Variants in PAX3 observed in about 807,000 individuals in gnomAD.
PAX3 encodes paired box protein Pax-3.
PAX3 carries 14 observed loss-of-function variants against 51.6 expected under a neutral mutation model. That is an observed-to-expected ratio of 0.27 (90% confidence interval 0.18 to 0.42). The LOEUF is 0.42. Ranked by LOEUF, PAX3 falls within the 10% of genes least tolerant of loss-of-function variation. The pLI, the probability that PAX3 is intolerant of heterozygous loss-of-function variation, is 1.00. For missense variants in PAX3, 540 were observed against 642.8 expected (o/e 0.84, Z 1.73); for synonymous variants, 280 against 253.4 (o/e 1.11, Z -1.00).
intron 4 of PAX3, among the ~76,000 whole-genome samples, chr2:222,249,881 C>A (rs1050894635): frequency 6.6e-6 from 1 of 152,076 alleles, no homozygotes; most frequent in African/African-American, 2.4e-5. Flanking sequence ...ATAGCAGGAA[C>A]AATCAAGTCA....
At chr2:222,251,646 A>C (rs1308544091) in intron 4 of PAX3, among the ~76,000 whole-genome samples, 7 of 152,146 alleles carry the variant, frequency 4.6e-5, no homozygotes, top group African/African-American at 1.4e-4. Context: ...GGCTGGGTCA[A>C]ATGGTATTTC....
chr2:222,227,848 A>G (rs749737378), intron 5 of PAX3, among the ~76,000 whole-genome samples: 36 of 152,186 alleles, frequency 2.4e-4, no homozygotes, highest in Admixed American at 2.6e-4. Context: ...CTACAGCCTA[A>G]ATGAATTTAT....
At chr2:222,273,863 T>C (rs1321352149) in intron 4 of PAX3, among the ~76,000 whole-genome samples, 1 of 152,162 alleles carries the variant, frequency 6.6e-6, no homozygotes, top group East Asian at 1.9e-4. Flanking sequence ...CATGGCAAAT[T>C]CGGTGCTGTA....
At chr2:222,259,558 TG>T (rs1693768269) in intron 4 of PAX3, among the ~76,000 whole-genome samples, 1 of 152,240 alleles carries the variant, frequency 6.6e-6, no homozygotes, top group African/African-American at 2.4e-5. Context: ...TAACACCGGT[TG>T]TGTTTAAAGA....
At chr2:222,208,996 A>T (rs1003544507) in intron 7 of PAX3, among the ~76,000 whole-genome samples, 1 of 152,120 alleles carries the variant, frequency 6.6e-6, no homozygotes, top group Non-Finnish European at 1.5e-5. Context: ...CCCATTTGAG[A>T]CTCACAAATC....
chr2:222,270,714 A>G (rs900048820), intron 4 of PAX3, among the ~76,000 whole-genome samples: 6 of 152,228 alleles, frequency 3.9e-5, no homozygotes, highest in African/African-American at 1.2e-4. Flanking sequence ...TTGTGACATG[A>G]GCCAACAGAC....
At chr2:222,208,317 A>C (rs1691592939) in intron 7 of PAX3, among the ~76,000 whole-genome samples, 1 of 152,102 alleles carries the variant, frequency 6.6e-6, no homozygotes, top group East Asian at 1.9e-4. Flanking sequence ...TTTTTCTATG[A>C]ATGAAAAATA....
chr2:222,251,464 A>C (rs1039169998), intron 4 of PAX3, among the ~76,000 whole-genome samples: 4 of 152,236 alleles, frequency 2.6e-5, no homozygotes, highest in Admixed American at 6.5e-5. Flanking sequence ...ATTACTATGC[A>C]TTCCATGGTG....
chr2:222,240,575 T>C (rs1692973828), intron 4 of PAX3, among the ~76,000 whole-genome samples: 1 of 152,254 alleles, frequency 6.6e-6, no homozygotes. Flanking sequence ...TATTCACTGG[T>C]ATGTTTATGT....
intron 4 of PAX3, among the ~76,000 whole-genome samples, chr2:222,260,089 G>T (rs1381292373): frequency 1.3e-5 from 2 of 152,102 alleles, no homozygotes; most frequent in Non-Finnish European, 2.9e-5. Context: ...TGCCCAGGCT[G>T]GCCTGGAACT....
intron 4 of PAX3, among the ~76,000 whole-genome samples, chr2:222,232,620 G>A (rs944368813): frequency 6.6e-6 from 1 of 152,104 alleles, no homozygotes; most frequent in Non-Finnish European, 1.5e-5. Flanking sequence ...CCAATTATGA[G>A]CTCTTAGAAA....
intron 4 of PAX3, among the ~76,000 whole-genome samples, chr2:222,280,748 T>C (rs1181581299): frequency 1.3e-5 from 2 of 152,170 alleles, no homozygotes; most frequent in African/African-American, 2.4e-5. Context: ...GCCCAGAAAC[T>C]GAATCCAAAG....
At chr2:222,252,591 C>T (rs995336455) in intron 4 of PAX3, among the ~76,000 whole-genome samples, 2 of 152,124 alleles carry the variant, frequency 1.3e-5, no homozygotes, top group Admixed American at 6.5e-5. Context: ...CTCAAAACTC[C>T]CATTATCCAC....
At position 222,298,657 on chromosome 2, in the gene PAX3, C is replaced by A. The variant is rs948469323; in HGVS notation, c.-42G>T. On this transcript the variant is annotated 5_prime_UTR_variant, in exon 1 of 9. Coordinates refer to ENST00000392070, the MANE Select transcript of PAX3 (RefSeq NM_181458.4). ...CTCGGAAATTATATCCAGGTGAAGG[C>A]GAAACGGAAAGGCGAGTGCGGCGCG... 1.3e-6 allele frequency: 2 copies of A among 1,552,660 alleles called. No individual in the cohort carries two copies. Among genetic ancestry groups the A allele is most frequent in the East Asian group, 2.4e-5 (1 of 42,176 alleles).
intron 4 of PAX3, among the ~76,000 whole-genome samples, chr2:222,276,587 GT>G (rs1559303096): frequency 6.6e-6 from 1 of 152,112 alleles, no homozygotes; most frequent in African/African-American, 2.4e-5. Flanking sequence ...GGGAGAGACC[GT>G]GGCCTTCACC....
chr2:222,269,041 A>G (rs1009203232), intron 4 of PAX3, among the ~76,000 whole-genome samples: 3 of 152,210 alleles, frequency 2.0e-5, no homozygotes, highest in Non-Finnish European at 4.4e-5. Flanking sequence ...TTTTCCCAAG[A>G]TAATTAGGTA....
At chr2:222,255,506 A>G (rs1693604628) in intron 4 of PAX3, among the ~76,000 whole-genome samples, 1 of 152,218 alleles carries the variant, frequency 6.6e-6, no homozygotes, top group African/African-American at 2.4e-5. Flanking sequence ...TTCTTTTTAA[A>G]TAAGGGCCTC....
At chr2:222,219,677 C>T (rs936175984) in intron 7 of PAX3, among the ~76,000 whole-genome samples, 6 of 152,278 alleles carry the variant, frequency 3.9e-5, no homozygotes, top group Admixed American at 3.9e-4. Flanking sequence ...TGCTTCCTCT[C>T]TGATTGTTTT....
chr2:222,270,939 A>C (rs1164072535), intron 4 of PAX3, among the ~76,000 whole-genome samples: 2 of 152,348 alleles, frequency 1.3e-5, no homozygotes, highest in African/African-American at 4.8e-5. Flanking sequence ...AATCCTTGTT[A>C]AACTGCACTC....
Sources: gnomAD v4.1 joint callset for allele counts (sites outside exome capture counted in the v4.1 genomes callset) on GRCh38, gnomAD v4.1.1 for gene constraint, MANE v1.5 for transcripts, NCBI Gene and HGNC (gene_info 2026-07-23, HGNC 2026-07-21) for gene names.